HS3ST4: variants seen among roughly 807,000 people sequenced by gnomAD.
HS3ST4 encodes heparan sulfate-glucosamine 3-sulfotransferase 4, also known as heparan sulfate glucosamine 3-O-sulfotransferase 4.
In HS3ST4, 17 loss-of-function variants were observed where a neutral mutation model predicts 29.2. The observed-to-expected ratio is 0.58, with a 90% CI of 0.40 to 0.87. The LOEUF is 0.87. Among genes scored for constraint, HS3ST4 ranks in the 40% least tolerant of loss-of-function variants. The pLI is 0.00. For synonymous variants in HS3ST4, 314 were observed against 285.7 expected, an observed-to-expected ratio of 1.10 and a Z score of -1.00; for missense variants, 627 against 634.5, an observed-to-expected ratio of 0.99 and a Z score of 0.13.
intron 1 of HS3ST4, among the ~76,000 whole-genome samples, chr16:25,727,728 G>A (rs1390148493): frequency 3.9e-5 from 6 of 152,112 alleles, no homozygotes; most frequent in African/African-American, 2.4e-5. Flanking sequence ...TTTACGGGGT[G>A]ACTTTTTGAT....
chr16:26,129,065 C>G (rs1899384254), intron 1 of HS3ST4, among the ~76,000 whole-genome samples: 1 of 152,196 alleles, frequency 6.6e-6, no homozygotes, highest in South Asian at 2.1e-4. Flanking sequence ...AGAATGGGCA[C>G]TTTATATCTA....
intron 1 of HS3ST4, among the ~76,000 whole-genome samples, chr16:25,945,271 A>G (rs1968613793): frequency 6.6e-6 from 1 of 152,220 alleles, no homozygotes; most frequent in Non-Finnish European, 1.5e-5. Flanking sequence ...CTGGCCATGT[A>G]ATTTGATAAA....
Position 25,692,569 on chromosome 16 carries a change from G to T in HS3ST4, c.152G>T (p.Ser51Ile). The change falls in exon 1 of 2, where the codon AGC becomes ATC. Residue 51 changes from serine to isoleucine, a missense_variant. Coordinates refer to ENST00000331351, the MANE Select transcript of HS3ST4 (RefSeq NM_006040.3). ...CTGTCTGTCACCTACCTGTGCTACAGCCTCCTGGGCGGCTCGGGCTCCCTG... is the reference window on the plus strand; with the variant it reads ...CTGTCTGTCACCTACCTGTGCTACATCCTCCTGGGCGGCTCGGGCTCCCTG... ...LSLSVTYLCY[S>I]LLGGSGSLQF... is the part of the protein sequence containing the mutation. 7.0e-7 allele frequency: 1 copy of T among 1,438,120 alleles called. No individual in the cohort carries two copies. 89.1% of individuals were successfully genotyped at this position (1,438,120 alleles called of 1,614,324 possible). A position where few individuals can be genotyped will look rare whatever the true frequency, so the allele number is the denominator to read the frequency against.
At chr16:25,939,049 C>T (rs1385396631) in intron 1 of HS3ST4, among the ~76,000 whole-genome samples, 1 of 152,048 alleles carries the variant, frequency 6.6e-6, no homozygotes, top group African/African-American at 2.4e-5. Flanking sequence ...AAATTTGGCC[C>T]TCTTACTCCA....
At chr16:26,049,277 G>A (rs868742724) in intron 1 of HS3ST4, among the ~76,000 whole-genome samples, 2 of 151,996 alleles carry the variant, frequency 1.3e-5, no homozygotes, top group Admixed American at 6.5e-5. Context: ...AAGTGCTGCC[G>A]TGGGTGAAGG....
chr16:25,938,248 G>A (rs1968536658), intron 1 of HS3ST4, among the ~76,000 whole-genome samples: 1 of 152,150 alleles, frequency 6.6e-6, no homozygotes, highest in African/African-American at 2.4e-5. Flanking sequence ...CACACAGGAG[G>A]CCCAGGAAAG....
chr16:26,097,755 C>T (rs1226163437), intron 1 of HS3ST4, among the ~76,000 whole-genome samples: 4 of 152,288 alleles, frequency 2.6e-5, no homozygotes, highest in South Asian at 2.1e-4. Context: ...AACTAAAGAG[C>T]TTCTGCATGG....
In HS3ST4 at chr16:26,054,983, G is replaced by A. The variant is rs114426636; in HGVS notation, c.735-80629G>A. On this transcript the variant is annotated intron_variant, in intron 1 of 1. Transcript: ENST00000331351. The stretch of plus-strand genomic sequence containing the variant: ...GGCATTTCCAAGTGCTGGACTAGAT[G>A]TTCTATGGGGAACTGACAAAAATTA... Among the ~76,000 whole-genome samples the A allele has an allele frequency of 8.2e-3, 1,241 of 151,652 alleles. 27 individuals carry two copies. The highest frequency in any genetic ancestry group is 0.029 in the African/African-American group (1,192 of 41,198).
At chr16:25,746,337 A>G (rs762960593) in intron 1 of HS3ST4, among the ~76,000 whole-genome samples, 4 of 152,234 alleles carry the variant, frequency 2.6e-5, no homozygotes, top group Non-Finnish European at 4.4e-5. Context: ...TTTTCAGGTC[A>G]TAATCTGGAT....
In HS3ST4 at chr16:25,692,755, A is replaced by C; in HGVS notation, c.338A>C (p.Glu113Ala). 1 of 1,295,010 alleles carries C rather than the reference A, an allele frequency of 7.7e-7. No individual in the cohort carries two copies. The highest frequency in any genetic ancestry group is 9.7e-7 in the Non-Finnish European group (1 of 1,028,474). The allele number at this position is 1,295,010 out of a possible 1,614,324, so 80.2% of individuals were successfully genotyped here. The change falls in exon 1 of 2, where the codon GAG (glutamate) becomes GCG (alanine). Residue 113 changes from glutamate to alanine, a missense_variant. Transcript: ENST00000331351. ...AACGCGAGCCACGGGGAGCCGCCCG[A>C]GCCCCCAGAGCAGCCAGCCGCCCCC... is the stretch of plus-strand genomic sequence containing the variant. ...LDNASHGEPP[E>A]PPEQPAAPGT...
At chr16:25,920,347 C>T (rs1415918499) in intron 1 of HS3ST4, among the ~76,000 whole-genome samples, 1 of 152,164 alleles carries the variant, frequency 6.6e-6, no homozygotes, top group Non-Finnish European at 1.5e-5. Context: ...TCCATCAAAG[C>T]CGTACTCATT....
At chr16:25,812,074 C>A (rs1281905686) in intron 1 of HS3ST4, among the ~76,000 whole-genome samples, 1 of 152,138 alleles carries the variant, frequency 6.6e-6, no homozygotes, top group Non-Finnish European at 1.5e-5. Context: ...TGTTGATGGG[C>A]ATTGAGGTTG....
chr16:26,067,505 C>G (rs1370626400), intron 1 of HS3ST4, among the ~76,000 whole-genome samples: 1 of 152,062 alleles, frequency 6.6e-6, no homozygotes, highest in Non-Finnish European at 1.5e-5. Context: ...TCCCACCACC[C>G]CCCACCCCAG....
intron 1 of HS3ST4, among the ~76,000 whole-genome samples, chr16:25,782,777 T>C (rs1190135202): frequency 3.3e-5 from 5 of 152,208 alleles, no homozygotes. Flanking sequence ...TTAATGAGAT[T>C]TTATTAAATG....
At chr16:25,693,406 A>T (rs1410757516) in intron 1 of HS3ST4, among the ~76,000 whole-genome samples, 1 of 152,030 alleles carries the variant, frequency 6.6e-6, no homozygotes, top group Non-Finnish European at 1.5e-5. Flanking sequence ...TCATCCAAGG[A>T]GGTGCTGTCT....
intron 1 of HS3ST4, among the ~76,000 whole-genome samples, chr16:25,891,656 A>C (rs1238188355): frequency 2.0e-5 from 3 of 152,208 alleles, no homozygotes; most frequent in Non-Finnish European, 4.4e-5. Flanking sequence ...AAGGGGAGGA[A>C]ACGTAAGCCC....
intron 1 of HS3ST4, among the ~76,000 whole-genome samples, chr16:26,076,036 C>G (rs1898658805): frequency 6.6e-6 from 1 of 152,178 alleles, no homozygotes; most frequent in African/African-American, 2.4e-5. Context: ...ACCTTCACCA[C>G]TAGTCAGTCC....
At chr16:25,887,035 A>T (rs925402515) in intron 1 of HS3ST4, 2 of 152,056 alleles carry the variant, frequency 1.3e-5, no homozygotes, top group Non-Finnish European at 2.9e-5. Flanking sequence ...AGCTTCTAGG[A>T]TTTTGTTTTG....
chr16:25,921,430 G>A (rs1238842064), intron 1 of HS3ST4, among the ~76,000 whole-genome samples: 1 of 152,126 alleles, frequency 6.6e-6, no homozygotes. Context: ...TTCCTTATTG[G>A]CCAAGAAATA....
Sources: allele counts gnomAD v4.1 joint callset (sites outside exome capture counted in the v4.1 genomes callset), GRCh38; gene constraint gnomAD v4.1.1; transcripts MANE v1.5; gene names NCBI Gene and HGNC (gene_info 2026-07-23, HGNC 2026-07-21).